Variants in TAPT1 observed in about 807,000 individuals in gnomAD.
TAPT1 encodes transmembrane anterior posterior transformation protein 1 homolog.
Under a neutral mutation model 65.6 loss-of-function variants are expected in TAPT1, and 28 were observed. The observed-to-expected ratio is 0.43, with a 90% confidence interval of 0.32 to 0.59. The LOEUF (loss-of-function observed/expected upper bound fraction) is 0.59, where lower values mean the gene tolerates loss of function less well. Ranked by LOEUF, TAPT1 falls within the 20% of genes least tolerant of loss-of-function variation. The pLI, the probability that TAPT1 is intolerant of heterozygous loss-of-function variation, is 0.09. For synonymous variants in TAPT1, 278 were observed against 245.2 expected (o/e 1.13, Z -1.25); for missense variants, 563 against 679.9 (o/e 0.83, Z 1.91).
chr4:16,180,198 C>T (rs781107159), intron 7 of TAPT1, among the ~76,000 whole-genome samples: 1 of 152,048 alleles, frequency 6.6e-6, no homozygotes, highest in African/African-American at 2.4e-5. Context: ...AAAATAACCC[C>T]AAATTGGGCT....
rs1052674845 is a variant in TAPT1 at position 16,161,446 on chromosome 4, G to T, written c.*1862C>A. The T allele has an allele frequency of 6.6e-6, 1 of 152,560 alleles. No homozygotes were observed. Among genetic ancestry groups the T allele is most frequent in the Non-Finnish European group, 1.5e-5 (1 of 68,036 alleles). 9.5% of individuals were successfully genotyped at this position (152,560 alleles called of 1,614,324 possible). ...ATGGAAATCTTCTGAAAATGACAGC[G>T]CAGTAACAGAATAATTCAAGCGGAA... On this transcript the variant is annotated 3_prime_UTR_variant, in exon 14 of 14. Transcript: ENST00000405303.
intron 3 of TAPT1, chr4:16,196,794 G>A (rs967747729): frequency 6.5e-6 from 5 of 774,176 alleles, no homozygotes; most frequent in South Asian, 5.7e-5. Context: ...CCATGGTGAG[G>A]AAACGGGACA....
At chr4:16,220,196 C>T (rs1042688920) in intron 1 of TAPT1, among the ~76,000 whole-genome samples, 1 of 152,192 alleles carries the variant, frequency 6.6e-6, no homozygotes, top group East Asian at 1.9e-4. Flanking sequence ...CTACAGTTGA[C>T]TGGTTAATTA....
chr4:16,200,100 C>A (rs1055113211), intron 3 of TAPT1, among the ~76,000 whole-genome samples: 4 of 152,128 alleles, frequency 2.6e-5, no homozygotes, highest in Admixed American at 6.5e-5. Flanking sequence ...CTAACCAATG[C>A]CCAAGGAAGG....
intron 3 of TAPT1, among the ~76,000 whole-genome samples, chr4:16,196,423 T>C (rs1343033108): frequency 2.0e-5 from 3 of 152,348 alleles, no homozygotes; most frequent in East Asian, 3.9e-4. Flanking sequence ...TGTGTAAAGA[T>C]GACTTTTGAG....
chr4:16,209,675 A>G (rs1750547158), intron 2 of TAPT1, among the ~76,000 whole-genome samples: 1 of 152,174 alleles, frequency 6.6e-6, no homozygotes, highest in African/African-American at 2.4e-5. Flanking sequence ...CCACCAAACA[A>G]TGGTGGAAGG....
At chr4:16,205,886 T>C (rs1328898353) in intron 2 of TAPT1, among the ~76,000 whole-genome samples, 1 of 152,210 alleles carries the variant, frequency 6.6e-6, no homozygotes, top group Non-Finnish European at 1.5e-5. Flanking sequence ...TTTTGACTGT[T>C]TTCACTTATA....
At chr4:16,177,845 A>T (rs374398223) in intron 8 of TAPT1, among the ~76,000 whole-genome samples, 1 of 152,134 alleles carries the variant, frequency 6.6e-6, no homozygotes, top group Non-Finnish European at 1.5e-5. Context: ...AATTTTAATA[A>T]ACCTAAAAAA....
At position 16,185,609 on chromosome 4, in the gene TAPT1, T is replaced by A. The variant is rs1006415964; in HGVS notation, c.916+926A>T. ...GTCTTGAACTCCTGACCTCAGGTGA[T>A]CCACCAGCCTCGGCCTCCCAACGTG... On this transcript the variant is annotated intron_variant, in intron 7 of 13. Transcript: ENST00000405303. Among the ~76,000 whole-genome samples, 58 of 152,294 alleles carry A rather than the reference T, an allele frequency of 3.8e-4. No homozygotes were observed. The East Asian group carries it at 0.01, about 27-fold the overall frequency.
At chr4:16,201,807 C>T (rs748609692) in intron 3 of TAPT1, among the ~76,000 whole-genome samples, 3 of 152,154 alleles carry the variant, frequency 2.0e-5, no homozygotes, top group Non-Finnish European at 2.9e-5. Context: ...GCTGAGCTCT[C>T]AATACCCCCT....
chr4:16,179,372 G>A (rs1748565571), intron 8 of TAPT1: 1 of 430,656 alleles, frequency 2.3e-6, no homozygotes. Context: ...AGGTCCATTA[G>A]AATCTTATGG....
chr4:16,193,845 T>C (rs1216522449), intron 3 of TAPT1, among the ~76,000 whole-genome samples: 1 of 152,196 alleles, frequency 6.6e-6, no homozygotes, highest in Admixed American at 6.5e-5. Flanking sequence ...CTGTAAGTCA[T>C]GTTTATAAAT....
At chr4:16,208,472 T>G (rs778049067) in intron 2 of TAPT1, among the ~76,000 whole-genome samples, 3 of 152,226 alleles carry the variant, frequency 2.0e-5, no homozygotes, top group Non-Finnish European at 4.4e-5. Flanking sequence ...TGGGAAATCT[T>G]TCAATCTTTA....
chr4:16,195,340 T>C (rs892750887), intron 3 of TAPT1, among the ~76,000 whole-genome samples: 1 of 152,214 alleles, frequency 6.6e-6, no homozygotes, highest in African/African-American at 2.4e-5. Flanking sequence ...CATGCTACAG[T>C]TCTTATAAAT....
intron 2 of TAPT1, among the ~76,000 whole-genome samples, chr4:16,206,513 G>A (rs1750354099): frequency 6.6e-6 from 1 of 152,062 alleles, no homozygotes; most frequent in Admixed American, 6.6e-5. Flanking sequence ...CAGGGTCCCA[G>A]GGCAAGACTG....
chr4:16,208,231 G>A (rs1284719067), intron 2 of TAPT1, among the ~76,000 whole-genome samples: 1 of 152,206 alleles, frequency 6.6e-6, no homozygotes, highest in Non-Finnish European at 1.5e-5. Context: ...ATTCATGGAA[G>A]GATCTTGAGC....
chr4:16,166,886 G>A (rs1747664932), intron 12 of TAPT1, 93 bp from the exon 13 acceptor site: 2 of 1,295,842 alleles, frequency 1.5e-6, no homozygotes, highest in Non-Finnish European at 2.2e-6. Flanking sequence ...GAAGGTGGGG[G>A]GGCATGGGAC....
Position 16,191,411 on chromosome 4 carries a change from T to A in TAPT1, c.562A>T (p.Ile188Leu). 6.3e-7 allele frequency: 1 copy of A among 1,598,902 alleles called. No individual in the cohort carries two copies. Among genetic ancestry groups the A allele is most frequent in the Non-Finnish European group, 8.5e-7 (1 of 1,172,568 alleles). Residue 188 changes from isoleucine (I) to leucine (L), a missense_variant, in exon 4 of 14, where the codon ATA (isoleucine) becomes TTA (leucine). Coordinates refer to ENST00000405303, the MANE Select transcript of TAPT1 (RefSeq NM_153365.3). ...AGCTTGATGACGGACTGCCCCCTTATCAGGTGGTACATCATGGAGTAGTCA... is the reference window on the plus strand; with the variant it reads ...AGCTTGATGACGGACTGCCCCCTTAACAGGTGGTACATCATGGAGTAGTCA... Reference protein sequence around the residue: ...YVDYSMMYHLIRGQSVIKLYI... With the variant: ...YVDYSMMYHLLRGQSVIKLYI...
chr4:16,214,224 T>C (rs1469923310), intron 1 of TAPT1, among the ~76,000 whole-genome samples: 1 of 152,088 alleles, frequency 6.6e-6, no homozygotes, highest in Non-Finnish European at 1.5e-5. Context: ...GGAAGGAAAA[T>C]CAGTAGGTGT....
Sources: gnomAD v4.1 joint callset for allele counts (sites outside exome capture counted in the v4.1 genomes callset) on GRCh38, gnomAD v4.1.1 for gene constraint, MANE v1.5 for transcripts, NCBI Gene and HGNC (gene_info 2026-07-23, HGNC 2026-07-21) for gene names.